Variants in FAM78B observed in about 807,000 individuals in gnomAD.
FAM78B encodes family with sequence similarity 78 member B.
Under a neutral mutation model 20.0 loss-of-function variants are expected in FAM78B, and 10 were observed. The observed-to-expected ratio is 0.50, with a 90% CI of 0.31 to 0.85. The LOEUF (loss-of-function observed/expected upper bound fraction) is 0.85. Among genes scored for constraint, FAM78B ranks in the 40% least tolerant of loss-of-function variants. The pLI, the probability that FAM78B is intolerant of heterozygous loss-of-function variation, is 0.05. For missense variants in FAM78B, 283 were observed against 345.0 expected (o/e 0.82, Z 1.42); for synonymous variants, 135 against 132.8 (o/e 1.02, Z -0.12).
In FAM78B at chr1:166,163,746, C is replaced by G. The variant is rs756412753; in HGVS notation, c.263+2240G>C. On this transcript the variant is annotated intron_variant, in intron 1 of 1. Coordinates refer to ENST00000354422, the MANE Select transcript of FAM78B (RefSeq NM_001017961.5). ...AAATTGGTTCATTCAAATTTGGGCT[C>G]CAAAGTGGCCTTTAACACATAGCAA... Among the ~76,000 whole-genome samples, 10 of 152,316 alleles carry G rather than the reference C, an allele frequency of 6.6e-5. No homozygotes were observed. In the South Asian group the frequency reaches 1.9e-3, roughly 28 times the overall value.
intron 1 of FAM78B, among the ~76,000 whole-genome samples, chr1:166,106,536 G>A (rs1318136452): frequency 1.3e-5 from 2 of 152,088 alleles, no homozygotes; most frequent in Non-Finnish European, 2.9e-5. Flanking sequence ...CAACACAGAT[G>A]CAGCTGGAGG....
At chr1:166,144,039 G>A (rs1401475553) in intron 1 of FAM78B, among the ~76,000 whole-genome samples, 1 of 152,168 alleles carries the variant, frequency 6.6e-6, no homozygotes, top group South Asian at 2.1e-4. Flanking sequence ...TTATTAAGGC[G>A]TAAGTAATGA....
At chr1:166,117,848 A>G (rs1241876153) in intron 1 of FAM78B, among the ~76,000 whole-genome samples, 1 of 152,212 alleles carries the variant, frequency 6.6e-6, no homozygotes, top group Non-Finnish European at 1.5e-5. Flanking sequence ...TCTAAAAGAC[A>G]GAGTCAGGAG....
chr1:166,100,159 G>A (rs1486985831), intron 1 of FAM78B, among the ~76,000 whole-genome samples: 1 of 152,176 alleles, frequency 6.6e-6, no homozygotes, highest in African/African-American at 2.4e-5. Flanking sequence ...TCCTGAATGA[G>A]CATTGAGTCA....
Position 166,084,237 on chromosome 1 carries a change from A to ACACACACACACACACT in FAM78B, c.264-13475_264-13474insAGTGTGTGTGTGTGTG, listed in dbSNP as rs771421402. ...CACACACACACACACACACACACAC[A>ACACACACACACACACT]CTCTCTCTCTCTCTCTCTCTCTCTC... On this transcript the variant is annotated intron_variant, in intron 1 of 1. Transcript: ENST00000354422. 1.3e-3 allele frequency among the ~76,000 whole-genome samples: 158 copies of ACACACACACACACACT among 125,462 alleles called. 1 individual carries two copies. Among genetic ancestry groups the ACACACACACACACACT allele is most frequent in the African/African-American group, 4.1e-3 (141 of 34,192 alleles). The allele number at this position is 125,462 out of a possible 152,430, so 82.3% of individuals were successfully genotyped here.
chr1:166,063,833 G>A (rs531452963), intron 2 of FAM78B, among the ~76,000 whole-genome samples: 13 of 152,232 alleles, frequency 8.5e-5, no homozygotes, highest in South Asian at 2.1e-4. Flanking sequence ...CCCTTCTCCC[G>A]GGCATTTCTG....
downstream of FAM78B, among the ~76,000 whole-genome samples, chr1:166,068,937 G>C (rs899229187): frequency 6.6e-6 from 1 of 152,042 alleles, no homozygotes; most frequent in Non-Finnish European, 1.5e-5. Context: ...TTGTATATTG[G>C]CCTGACTAAA....
intron 1 of FAM78B, among the ~76,000 whole-genome samples, chr1:166,084,579 G>C (rs1022494529): frequency 6.6e-6 from 1 of 152,208 alleles, no homozygotes; most frequent in Non-Finnish European, 1.5e-5. Flanking sequence ...ATTCCCAAGG[G>C]ATGAGTTGCT....
At chr1:166,124,556 T>C (rs1654574157) in intron 1 of FAM78B, among the ~76,000 whole-genome samples, 1 of 152,218 alleles carries the variant, frequency 6.6e-6, no homozygotes, top group Non-Finnish European at 1.5e-5. Context: ...TTGCCTGAGA[T>C]CACAGAGTTA....
chr1:166,058,145 C>T (rs539617175), exon 3 of FAM78B: 7 of 152,314 alleles, frequency 4.6e-5, no homozygotes, highest in Admixed American at 1.3e-4. Context: ...ATCTCCCTTA[C>T]TGGCCCACTT....
intron 1 of FAM78B, among the ~76,000 whole-genome samples, chr1:166,149,652 T>A (rs958211520): frequency 3.9e-5 from 6 of 152,090 alleles, no homozygotes; most frequent in African/African-American, 1.4e-4. Context: ...TCAATAGGAG[T>A]AACATACATG....
rs1491535659 is a variant in FAM78B at position 166,109,889 on chromosome 1, T to TATATATAG, written c.264-39127_264-39126insCTATATAT. On this transcript the variant is annotated intron_variant, in intron 1 of 1. Coordinates refer to ENST00000354422, the MANE Select transcript of FAM78B (RefSeq NM_001017961.5). ...ATGTGTATATATATATATGTATATA[T>TATATATAG]GTATATATATATATATATATATATA... is the stretch of plus-strand genomic sequence containing the variant. Among the ~76,000 whole-genome samples the TATATATAG allele has an allele frequency of 9.1e-4, 26 of 28,462 alleles. 3 individuals carry two copies. The highest frequency in any genetic ancestry group is 4.0e-3 in the African/African-American group (24 of 6,056). 18.7% of individuals were successfully genotyped at this position (28,462 alleles called of 152,430 possible).
chr1:166,118,672 C>T (rs1382249736), intron 1 of FAM78B, among the ~76,000 whole-genome samples: 1 of 152,142 alleles, frequency 6.6e-6, no homozygotes, highest in East Asian at 1.9e-4. Context: ...CTCACTAAGC[C>T]TAAGATACTT....
At chr1:166,151,934 G>T (rs527593376) in intron 1 of FAM78B, among the ~76,000 whole-genome samples, 1 of 152,042 alleles carries the variant, frequency 6.6e-6, no homozygotes, top group East Asian at 1.9e-4. Flanking sequence ...ACTTTACCCC[G>T]GGCCCAACTC....
chr1:166,120,249 C>G (rs151199346), intron 1 of FAM78B, among the ~76,000 whole-genome samples: 5 of 152,324 alleles, frequency 3.3e-5, no homozygotes, highest in African/African-American at 1.2e-4. Flanking sequence ...ACACATAGTA[C>G]CCTCAACTCA....
At position 166,135,157 on chromosome 1, in the gene FAM78B, G is replaced by C. The variant is rs533298747; in HGVS notation, c.263+30829C>G. ...ATTTTCCCCAGATGACTTCCAGCTA[G>C]AACTACTTCCATAGGAATTTTCTCT... On this transcript the variant is annotated intron_variant, in intron 1 of 1. Transcript: ENST00000354422. Among the ~76,000 whole-genome samples the C allele has an allele frequency of 1.3e-3, 195 of 152,238 alleles. 1 individual carries two copies. Among genetic ancestry groups the C allele is most frequent in the African/African-American group, 4.4e-3 (181 of 41,534 alleles).
chr1:166,070,932 G>C (rs1652003223), intron 1 of FAM78B, among the ~76,000 whole-genome samples, 169 bp from the exon 2 acceptor site: 1 of 152,102 alleles, frequency 6.6e-6, no homozygotes, highest in African/African-American at 2.4e-5. Context: ...GATTAAATGA[G>C]AACAAACCAA....
chr1:166,108,332 C>A (rs1653868360), intron 1 of FAM78B, among the ~76,000 whole-genome samples: 1 of 152,162 alleles, frequency 6.6e-6, no homozygotes, highest in Admixed American at 6.5e-5. Flanking sequence ...CAATCAGTAG[C>A]TCTTCTATAC....
At chr1:166,105,385 C>T (rs1653729315) in intron 1 of FAM78B, among the ~76,000 whole-genome samples, 1 of 151,866 alleles carries the variant, frequency 6.6e-6, no homozygotes, top group Admixed American at 6.6e-5. Context: ...AGCTTCTGCA[C>T]AGCAAAAGAA....
Sources: gnomAD v4.1 joint callset for allele counts (sites outside exome capture counted in the v4.1 genomes callset) on GRCh38, gnomAD v4.1.1 for gene constraint, MANE v1.5 for transcripts, NCBI Gene and HGNC (gene_info 2026-07-23, HGNC 2026-07-21) for gene names.